The following SIGLEC14 variants were observed in gnomAD, a reference collection of about 807,000 sequenced individuals.
SIGLEC14 encodes sialic acid-binding Ig-like lectin 14.
A neutral mutation model predicts 34.2 loss-of-function variants in SIGLEC14; 11 were observed. The ratio of observed to expected loss-of-function variants is 0.32; its 90% CI spans 0.20 to 0.53. The LOEUF is 0.53. SIGLEC14 is among the 20% of genes least tolerant of loss of function. The pLI is 0.95. For synonymous variants in SIGLEC14, 99 were observed against 179.7 expected, an observed-to-expected ratio of 0.55 and a Z score of 3.59; for missense variants, 264 against 439.0, an observed-to-expected ratio of 0.60 and a Z score of 3.56.
In SIGLEC14 at chr19:51,644,034, G is replaced by C. The variant is rs1189487820; in HGVS notation, c.757C>G (p.Leu253Val). 6.6e-7 allele frequency: 1 copy of C among 1,504,494 alleles called. No homozygotes were observed. Among genetic ancestry groups the C allele is most frequent in the East Asian group, 3.5e-5 (1 of 28,412 alleles). The allele number at this position is 1,504,494 out of a possible 1,614,324, so 93.2% of individuals were successfully genotyped here. A position where few individuals can be genotyped will look rare whatever the true frequency, so the allele number is the denominator to read the frequency against. Residue 253 changes from leucine to valine, a missense_variant and splice_region_variant, in exon 5 of 7, where the codon CTG becomes GTG. Around this residue, in one of 5 missense-constraint regions of SIGLEC14, gnomAD observed 149 missense variants for 184.4 expected, o/e 0.81. Transcript: ENST00000360844. ...IFFRNGTGTA[L>V]RILSNGMSVP... Reference sequence around the variant, plus strand: ...GACATGCCATTGCTCAGGATCCGCAGGGCTGGGAAAGAGAAGCACAGCCAG... The same window carrying C: ...GACATGCCATTGCTCAGGATCCGCACGGCTGGGAAAGAGAAGCACAGCCAG...
Position 51,643,023 on chromosome 19 carries a change from C to CAAAAAAAAA in SIGLEC14, c.*323_*331dup. On this transcript the variant is annotated 3_prime_UTR_variant, in exon 7 of 7. Transcript: ENST00000360844. The stretch of plus-strand genomic sequence containing the variant: ...TGTGCAACAGAGTGAGACTCTGTCT[C>CAAAAAAAAA]AAAAAAAAAAAAAAAAAAAAAAGGT... The CAAAAAAAAA allele has an allele frequency of 2.1e-5, 2 of 95,992 alleles. No individual in the cohort carries two copies. The highest frequency in any genetic ancestry group is 1.7e-5 in the Non-Finnish European group (1 of 57,304). The allele number at this position is 95,992 out of a possible 1,614,324, so 5.9% of individuals were successfully genotyped here.
chr19:51,643,398 C>T lies in SIGLEC14; in HGVS notation c.1149-1G>A. On this transcript the variant is annotated splice_acceptor_variant, in intron 6 of 6. Transcript: ENST00000360844. LOFTEE classifies it high-confidence loss of function. ...CCTGCTCTGCTGGGGGCCTCCACAC[C>T]TGCAGAGCCAACATGGGCCTCAGAT... 3 of 1,514,948 alleles carry T rather than the reference C, an allele frequency of 2.0e-6. 1 individual carries two copies. The highest frequency in any genetic ancestry group is 2.4e-5 in the South Asian group (2 of 82,090). The allele number at this position is 1,514,948 out of a possible 1,614,324, so 93.8% of individuals were successfully genotyped here. A position where few individuals can be genotyped will look rare whatever the true frequency, so the allele number is the denominator to read the frequency against.
chr19:51,646,073 C>G lies in SIGLEC14; in HGVS notation c.422-13G>C, dbSNP rs959140093. On this transcript the variant is annotated splice_polypyrimidine_tract_variant and intron_variant, in intron 2 of 6. Coordinates refer to ENST00000360844, the MANE Select transcript of SIGLEC14 (RefSeq NM_001098612.3). ...TTCTCTATCAGGGCTGAGGAGGAGA[C>G]AGGGAGATACCTGGGCCCCAGGGGC... 1.1e-5 allele frequency: 11 copies of G among 1,046,006 alleles called. 1 individual carries two copies. The African/African-American group carries it at 2.5e-4, about 24-fold the overall frequency. 64.8% of individuals were successfully genotyped at this position (1,046,006 alleles called of 1,614,324 possible).
chr19:51,641,800 A>G lies in SIGLEC14; in HGVS notation c.*1555T>C, dbSNP rs1983911262. 7.2e-6 allele frequency among the ~76,000 whole-genome samples: 1 copy of G among 139,026 alleles called. No individual in the cohort carries two copies. Among genetic ancestry groups the G allele is most frequent in the South Asian group, 2.5e-4 (1 of 4,074 alleles). The allele number at this position is 139,026 out of a possible 152,430, so 91.2% of individuals were successfully genotyped here. A position where few individuals can be genotyped will look rare whatever the true frequency, so the allele number is the denominator to read the frequency against. On this transcript the variant is annotated 3_prime_UTR_variant, in exon 7 of 7. Coordinates refer to ENST00000360844, the MANE Select transcript of SIGLEC14 (RefSeq NM_001098612.3). ...ACACTGGGGCCTTTCAAAGGGTGGA[A>G]GGTGGGAGGAGGGAGAGGATGAGGA...
At position 51,639,712 on chromosome 19, in the gene SIGLEC14, G is replaced by A. The variant is rs1241561152; in HGVS notation, c.*3643C>T. The A allele has an allele frequency of 7.2e-6, 1 of 138,836 alleles. No individual in the cohort carries two copies. Among genetic ancestry groups the A allele is most frequent in the East Asian group, 3.3e-4 (1 of 3,028 alleles). 8.6% of individuals were successfully genotyped at this position (138,836 alleles called of 1,614,324 possible). A position where few individuals can be genotyped will look rare whatever the true frequency, so the allele number is the denominator to read the frequency against. On this transcript the variant is annotated 3_prime_UTR_variant, in exon 7 of 7. Transcript: ENST00000360844. ...TTATGGGTTAATCACTTTCCAAAAAGCCCCAACCTTTTAATACCATCACCT... is the reference window on the plus strand; with the variant it reads ...TTATGGGTTAATCACTTTCCAAAAAACCCCAACCTTTTAATACCATCACCT...
rs781627765 is a variant in SIGLEC14 at position 51,642,231 on chromosome 19, CA to C, written c.*1123del. Among the ~76,000 whole-genome samples, 2 of 137,236 alleles carry C rather than the reference CA, an allele frequency of 1.5e-5. No individual in the cohort carries two copies. Among genetic ancestry groups the C allele is most frequent in the South Asian group, 2.5e-4 (1 of 4,050 alleles). 90.0% of individuals were successfully genotyped at this position (137,236 alleles called of 152,430 possible). A position where few individuals can be genotyped will look rare whatever the true frequency, so the allele number is the denominator to read the frequency against. On this transcript the variant is annotated 3_prime_UTR_variant, in exon 7 of 7. Transcript: ENST00000360844. The stretch of plus-strand genomic sequence containing the variant: ...AAGGCTGACTGTACGATATTAAAAG[CA>C]AAAAAAACCCCACCAAAACTGAGAA...
chr19:51,640,012 A>G lies in SIGLEC14; in HGVS notation c.*3343T>C, dbSNP rs1389826372. ...AAAATGATGACTGAATTGTCATGAG[A>G]AACTCACCCGCCCTCCAAAGTGGAA... On this transcript the variant is annotated 3_prime_UTR_variant, in exon 7 of 7. Coordinates refer to ENST00000360844, the MANE Select transcript of SIGLEC14 (RefSeq NM_001098612.3). 3.6e-5 allele frequency: 5 copies of G among 139,620 alleles called. 2 individuals are homozygous for G. Among genetic ancestry groups the G allele is most frequent in the African/African-American group, 1.4e-4 (5 of 36,826 alleles). 8.6% of individuals were successfully genotyped at this position (139,620 alleles called of 1,614,324 possible).
Position 51,643,840 on chromosome 19 carries a change from G to A in SIGLEC14, c.951C>T (p.Phe317=). Residue 317 remains phenylalanine, a synonymous_variant, in exon 5 of 7, where the codon TTC becomes TTT. Transcript: ENST00000360844. ...PNIGAREGGE[F]TCRVQHPLGS... is the part of the protein sequence containing the mutation. ...CCAGCGGATGCTGAACCCGGCAGGT[G>A]AATTCCCCTCCCTCTCTAGCTCCTA... 2 of 1,532,018 alleles carry A rather than the reference G, an allele frequency of 1.3e-6. 1 individual carries two copies. The highest frequency in any genetic ancestry group is 1.8e-6 in the Non-Finnish European group (2 of 1,140,146). The allele number at this position is 1,532,018 out of a possible 1,614,324, so 94.9% of individuals were successfully genotyped here.
chr19:51,643,774 C>T lies in SIGLEC14; in HGVS notation c.1012+5G>A, dbSNP rs939641796. Reference sequence around the variant, plus strand: ...TCTACCCTCAGCACCTGTCCTGCAACTCACTCTGCACAGAAAGGATGAAGG... The same window carrying T: ...TCTACCCTCAGCACCTGTCCTGCAATTCACTCTGCACAGAAAGGATGAAGG... On this transcript the variant is annotated splice_donor_5th_base_variant and intron_variant, in intron 5 of 6. Coordinates refer to ENST00000360844, the MANE Select transcript of SIGLEC14 (RefSeq NM_001098612.3). The T allele has an allele frequency of 4.6e-6, 7 of 1,514,444 alleles. 3 individuals are homozygous for T. The East Asian group carries it at 1.4e-4, about 30-fold the overall frequency. 93.8% of individuals were successfully genotyped at this position (1,514,444 alleles called of 1,614,324 possible).
chr19:51,645,579 G>A (rs778435019), intron 3 of SIGLEC14, 49 bp from the exon 4 acceptor site: 3 of 1,507,852 alleles, frequency 2.0e-6, no homozygotes, highest in Non-Finnish European at 8.9e-7. Context: ...AAGAGGGATG[G>A]GCGTGGTCCC....
intron 6 of SIGLEC14, 65 bp from the exon 7 acceptor site, chr19:51,643,462 GA>G: frequency 4.5e-6 from 6 of 1,340,494 alleles, no homozygotes; most frequent in Non-Finnish European, 3.9e-6. Flanking sequence ...AGGTGGGGCT[GA>G]GCTGTCCTGG....
chr19:51,645,608 G>A, intron 3 of SIGLEC14, 78 bp from the exon 4 acceptor site: 6 of 1,471,174 alleles, frequency 4.1e-6, no homozygotes, highest in Non-Finnish European at 5.5e-6. Context: ...CCCAAGGAGG[G>A]GCCACAGAAA....
rs1983864651 is a variant in SIGLEC14 at position 51,639,510 on chromosome 19, A to G, written c.*3845T>C. On this transcript the variant is annotated 3_prime_UTR_variant, in exon 7 of 7. Coordinates refer to ENST00000360844, the MANE Select transcript of SIGLEC14 (RefSeq NM_001098612.3). ...TAAACAACAGAAATTTATTTCTCAT[A>G]ATTCTGGAGGTCGGGAAGTCCAAGA... The G allele has an allele frequency of 7.2e-6, 1 of 139,856 alleles. No homozygotes were observed. Among genetic ancestry groups the G allele is most frequent in the Non-Finnish European group, 1.5e-5 (1 of 65,102 alleles). The allele number at this position is 139,856 out of a possible 1,614,324, so 8.7% of individuals were successfully genotyped here.
chr19:51,646,743 A>G lies in SIGLEC14; in HGVS notation c.17T>C (p.Leu6Pro). The G allele has an allele frequency of 1.6e-6, 1 of 644,710 alleles. No homozygotes were observed. Among genetic ancestry groups the G allele is most frequent in the South Asian group, 2.1e-5 (1 of 47,988 alleles). The allele number at this position is 644,710 out of a possible 1,614,324, so 39.9% of individuals were successfully genotyped here. The stretch of plus-strand genomic sequence containing the variant: ...CTCACCCCCCCACAGCAGGGGCAGC[A>G]GCAGCAGGGGCAGCATGTCTCCATC... MLPLLLLPLLWGGSLQ... is the reference protein window; with the variant it reads MLPLLPLPLLWGGSLQ... The change falls in exon 1 of 7, where the codon CTG (leucine) becomes CCG (proline). Residue 6 changes from leucine to proline, a missense_variant. Physicochemically the swap from Leu to Pro is moderately conservative, Grantham distance 98 (BLOSUM62 -3). Around this residue, in one of 5 missense-constraint regions of SIGLEC14, gnomAD observed 30 missense variants for 29.7 expected, o/e 1.01. Transcript: ENST00000360844.
chr19:51,644,873 G>T (rs1377164713), intron 4 of SIGLEC14, among the ~76,000 whole-genome samples: 1 of 137,232 alleles, frequency 7.3e-6, no homozygotes, highest in Admixed American at 7.0e-5. Flanking sequence ...GATTACTCAG[G>T]AATGTGGAGG....
rs1490489454 is a variant in SIGLEC14, at chr19:51,642,932, G to A, written c.*423C>T. The A allele has an allele frequency of 6.6e-6, 1 of 151,100 alleles. No individual in the cohort carries two copies. The highest frequency in any genetic ancestry group is 4.1e-4 in the East Asian group (1 of 2,426). The allele number at this position is 151,100 out of a possible 1,614,324, so 9.4% of individuals were successfully genotyped here. A position where few individuals can be genotyped will look rare whatever the true frequency, so the allele number is the denominator to read the frequency against. The stretch of plus-strand genomic sequence containing the variant: ...CCAGCTACTAGGGAGGCTGAGGCAG[G>A]AGAATTGCTTGAACCCCAGAGGTGG... On this transcript the variant is annotated 3_prime_UTR_variant, in exon 7 of 7. Coordinates refer to ENST00000360844, the MANE Select transcript of SIGLEC14 (RefSeq NM_001098612.3).
rs1983908861 is a variant in SIGLEC14 at position 51,641,679 on chromosome 19, A to G, written c.*1676T>C. 7.2e-6 allele frequency among the ~76,000 whole-genome samples: 1 copy of G among 139,394 alleles called. No homozygotes were observed. Among genetic ancestry groups the G allele is most frequent in the African/African-American group, 2.7e-5 (1 of 36,706 alleles). 91.4% of individuals were successfully genotyped at this position (139,394 alleles called of 152,430 possible). On this transcript the variant is annotated 3_prime_UTR_variant, in exon 7 of 7. Coordinates refer to ENST00000360844, the MANE Select transcript of SIGLEC14 (RefSeq NM_001098612.3). ...AGCTGGAGACCATTATCCTCAGCAA[A>G]CTATCACAAGAAGAGAAAACCAAAT...
At position 51,643,088 on chromosome 19, in the gene SIGLEC14, G is replaced by T; in HGVS notation, c.*267C>A. 2.7e-6 allele frequency: 1 copy of T among 366,612 alleles called. No individual in the cohort carries two copies. The highest frequency in any genetic ancestry group is 4.8e-6 in the Non-Finnish European group (1 of 210,026). 22.7% of individuals were successfully genotyped at this position (366,612 alleles called of 1,614,324 possible). On this transcript the variant is annotated 3_prime_UTR_variant, in exon 7 of 7. Transcript: ENST00000360844. ...GGGTAATGGGGGTATAAGACCGAAA[G>T]TACATTCCCTTCACAGGGCTGGAGA...
chr19:51,645,954 G>A lies in SIGLEC14; in HGVS notation c.528C>T (p.Leu176=), dbSNP rs199960675. The change falls in exon 3 of 7, where the codon CTC becomes CTT. Residue 176 remains leucine, a synonymous_variant. Transcript: ENST00000360844. ...LPGSCEAGPP[L]TFSWTGNALS... is the part of the protein sequence containing the mutation. The stretch of plus-strand genomic sequence containing the variant: ...GGGCATTCCCCGTCCAGGAGAATGT[G>A]AGAGGTGGTCCCGCTTCACAGGATC... The A allele has an allele frequency of 2.6e-3, 3,778 of 1,438,406 alleles. 589 individuals carry two copies. The highest frequency in any genetic ancestry group is 0.021 in the African/African-American group (1,260 of 58,782). 89.1% of individuals were successfully genotyped at this position (1,438,406 alleles called of 1,614,324 possible). A position where few individuals can be genotyped will look rare whatever the true frequency, so the allele number is the denominator to read the frequency against.
Sources: allele counts gnomAD v4.1 joint callset (sites outside exome capture counted in the v4.1 genomes callset), GRCh38; gene constraint gnomAD v4.1.1; regional missense constraint gnomAD v4.1.1; transcripts MANE v1.5; gene names NCBI Gene and HGNC (gene_info 2026-07-23, HGNC 2026-07-21).